EEFSEC: variants seen among roughly 807,000 people sequenced by gnomAD.
EEFSEC encodes eukaryotic elongation factor, selenocysteine-tRNA specific.
A neutral mutation model predicts 42.1 loss-of-function variants in EEFSEC; 43 were observed. The ratio of observed to expected loss-of-function variants is 1.02; its 90% CI spans 0.80 to 1.32. EEFSEC has a LOEUF of 1.32. Ranked by LOEUF, EEFSEC falls within the 40% of genes most tolerant of loss-of-function variation. The pLI is 0.00. For missense variants in EEFSEC, 745 were observed against 803.6 expected, an observed-to-expected ratio of 0.93 and a Z score of 0.88; for synonymous variants, 354 against 339.1, an observed-to-expected ratio of 1.04 and a Z score of -0.48.
intron 2 of EEFSEC, among the ~76,000 whole-genome samples, chr3:128,248,872 A>C (rs1217592689): frequency 6.6e-6 from 1 of 152,244 alleles, no homozygotes; most frequent in East Asian, 1.9e-4. Flanking sequence ...ATTGAAGATC[A>C]AATTATGGAC....
At chr3:128,223,307 T>C (rs989061589) in intron 1 of EEFSEC, among the ~76,000 whole-genome samples, 4 of 152,200 alleles carry the variant, frequency 2.6e-5, no homozygotes, top group African/African-American at 9.7e-5. Flanking sequence ...ATAATAAAAC[T>C]GTAATCCTAA....
intron 6 of EEFSEC, among the ~76,000 whole-genome samples, chr3:128,375,711 C>T (rs1455499053): frequency 6.6e-6 from 1 of 152,206 alleles, no homozygotes; most frequent in Admixed American, 6.5e-5. Flanking sequence ...TCCAGTGCCA[C>T]ATCGGCTTCT....
chr3:128,401,670 C>T (rs907200168), intron 6 of EEFSEC, among the ~76,000 whole-genome samples: 32 of 152,138 alleles, frequency 2.1e-4, no homozygotes, highest in African/African-American at 5.3e-4. Flanking sequence ...AGAGAATAGA[C>T]GCTTCTGTTG....
rs187905170 is a variant in EEFSEC at position 128,355,481 on chromosome 3, T to C, written c.1444-2736T>C. On this transcript the variant is annotated intron_variant, in intron 5 of 6. Coordinates refer to ENST00000254730, the MANE Select transcript of EEFSEC (RefSeq NM_021937.5). ...ATGAGGACCCTGGGGGTGATAGATA[T>C]GTTCATTAGCTTTATCATGGTGATG... Among the ~76,000 whole-genome samples, 478 of 152,218 alleles carry C rather than the reference T, an allele frequency of 3.1e-3. 4 individuals carry two copies. The highest frequency in any genetic ancestry group is 0.011 in the African/African-American group (454 of 41,506).
intron 1 of EEFSEC, among the ~76,000 whole-genome samples, chr3:128,194,569 G>A (rs1431239281): frequency 6.6e-6 from 1 of 152,190 alleles, no homozygotes; most frequent in Non-Finnish European, 1.5e-5. Context: ...GGAATAATCT[G>A]AAATGAGCCA....
At chr3:128,274,061 A>G (rs1464761474) in intron 4 of EEFSEC, among the ~76,000 whole-genome samples, 1 of 152,182 alleles carries the variant, frequency 6.6e-6, no homozygotes, top group Non-Finnish European at 1.5e-5. Flanking sequence ...CTCTTAGGCC[A>G]GGTGGATGTC....
chr3:128,266,904 A>G (rs72973495), intron 4 of EEFSEC, among the ~76,000 whole-genome samples: 302 of 152,292 alleles, frequency 2.0e-3, no homozygotes, highest in African/African-American at 6.9e-3. Flanking sequence ...CTGTTTGCAG[A>G]TTCTTTGCTA....
rs374098089 is a variant in EEFSEC at position 128,400,238 on chromosome 3, G to A, written c.1601-7831G>A. On this transcript the variant is annotated intron_variant, in intron 6 of 6. Transcript: ENST00000254730. ...TGTGCAGGGCAGCTTCCTACCTTGG[G>A]GTGGAGGGGAACTTGACATTGGAGC... Among the ~76,000 whole-genome samples the A allele has an allele frequency of 5.3e-5, 8 of 152,316 alleles. No individual in the cohort carries two copies. In the South Asian group the frequency reaches 6.2e-4, roughly 12 times the overall value.
downstream of EEFSEC, among the ~76,000 whole-genome samples, chr3:128,409,213 C>A (rs1386651794): frequency 6.6e-6 from 1 of 152,236 alleles, no homozygotes; most frequent in South Asian, 2.1e-4. Context: ...GATGTTCAAA[C>A]GTTCCTTTAT....
chr3:128,173,017 G>T (rs1229088425), intron 1 of EEFSEC, among the ~76,000 whole-genome samples: 2 of 152,190 alleles, frequency 1.3e-5, no homozygotes, highest in Non-Finnish European at 2.9e-5. Context: ...CATCCCTGTG[G>T]TCTTTTAATT....
intron 1 of EEFSEC, among the ~76,000 whole-genome samples, chr3:128,228,779 T>C (rs2065932580): frequency 6.6e-6 from 1 of 152,168 alleles, no homozygotes; most frequent in East Asian, 1.9e-4. Flanking sequence ...AATGGGGGTG[T>C]TGGTAATAGT....
At chr3:128,390,763 T>C (rs1368004045) in intron 6 of EEFSEC, among the ~76,000 whole-genome samples, 2 of 152,168 alleles carry the variant, frequency 1.3e-5, no homozygotes, top group Non-Finnish European at 1.5e-5. Flanking sequence ...CCCCACTTTC[T>C]GCACCACTCG....
In EEFSEC at chr3:128,215,484, G is replaced by A. The variant is rs182185606; in HGVS notation, c.317-31352G>A. Among the ~76,000 whole-genome samples the A allele has an allele frequency of 1.6e-4, 25 of 152,294 alleles. No homozygotes were observed. In the East Asian group the frequency reaches 4.2e-3, roughly 26 times the overall value. On this transcript the variant is annotated intron_variant, in intron 1 of 6. Coordinates refer to ENST00000254730, the MANE Select transcript of EEFSEC (RefSeq NM_021937.5). ...GTAGTCATAGTGCACCTTGGACAGC[G>A]TTGATGGATCAGATGAGATGATGCA...
chr3:128,425,710 G>A, the EEFSEC span, among the ~76,000 whole-genome samples: 2 of 151,302 alleles, frequency 1.3e-5, no homozygotes, highest in East Asian at 3.9e-4. Flanking sequence ...CTGCCCTCCT[G>A]GGCCCTCCTG....
chr3:128,330,318 A>C (rs577986862), intron 4 of EEFSEC, among the ~76,000 whole-genome samples: 2 of 152,136 alleles, frequency 1.3e-5, no homozygotes, highest in Non-Finnish European at 2.9e-5. Context: ...ACATGGTAGA[A>C]AGCCAGATCA....
intron 5 of EEFSEC, among the ~76,000 whole-genome samples, chr3:128,343,335 G>C (rs1425093996): frequency 6.6e-6 from 1 of 152,016 alleles, no homozygotes; most frequent in African/African-American, 2.4e-5. Context: ...GTTCTTCCTG[G>C]GTGCTCCACC....
At chr3:128,333,681 A>C (rs1204750882) in intron 4 of EEFSEC, among the ~76,000 whole-genome samples, 2 of 152,142 alleles carry the variant, frequency 1.3e-5, no homozygotes, top group Admixed American at 6.5e-5. Flanking sequence ...GCTCGTGTGC[A>C]CTTCAGTTGA....
chr3:128,267,852 G>C (rs1011672886), intron 4 of EEFSEC, among the ~76,000 whole-genome samples: 5 of 152,202 alleles, frequency 3.3e-5, no homozygotes. Context: ...TAATGGCATG[G>C]ACCCCTTGAT....
chr3:128,318,807 G>C (rs1260204583), intron 4 of EEFSEC, among the ~76,000 whole-genome samples: 2 of 152,234 alleles, frequency 1.3e-5, no homozygotes, highest in Non-Finnish European at 2.9e-5. Context: ...CAGATGTGTA[G>C]ACGAGCAGCG....
Sources: gnomAD v4.1 joint callset for allele counts (sites outside exome capture counted in the v4.1 genomes callset) on GRCh38, gnomAD v4.1.1 for gene constraint, MANE v1.5 for transcripts, NCBI Gene and HGNC (gene_info 2026-07-23, HGNC 2026-07-21) for gene names.